SLC6A15: variants seen among roughly 807,000 people sequenced by gnomAD.
SLC6A15 encodes the protein solute carrier family 6 member 15.
Under a neutral mutation model 68.5 loss-of-function variants are expected in SLC6A15, and 33 were observed. The observed-to-expected ratio is 0.48, with a 90% confidence interval of 0.37 to 0.64. SLC6A15 has a LOEUF of 0.64. SLC6A15 is among the 30% of genes least tolerant of loss of function. SLC6A15 has a pLI of 0.00. For missense variants in SLC6A15, 747 were observed against 874.3 expected (o/e 0.85, Z 1.84); for synonymous variants, 347 against 301.0 (o/e 1.15, Z -1.58).
chr12:84,889,173 G>A (rs1256830310), intron 2 of SLC6A15, among the ~76,000 whole-genome samples: 1 of 152,120 alleles, frequency 6.6e-6, no homozygotes, highest in African/African-American at 2.4e-5. Context: ...CTATATGGCT[G>A]CCTATACTTC....
intron 6 of SLC6A15, among the ~76,000 whole-genome samples, chr12:84,875,036 C>A (rs908962738): frequency 6.6e-6 from 1 of 152,106 alleles, no homozygotes; most frequent in Non-Finnish European, 1.5e-5. Flanking sequence ...GTTTTCAGTA[C>A]TGGGGCCATA....
chr12:84,899,717 T>C (rs1160808784), intron 1 of SLC6A15, among the ~76,000 whole-genome samples: 4 of 152,296 alleles, frequency 2.6e-5, no homozygotes, highest in East Asian at 1.9e-4. Flanking sequence ...TGAACATAAA[T>C]ACACAAATAT....
At chr12:84,881,603 A>G in intron 5 of SLC6A15, 1 of 985,360 alleles carries the variant, frequency 1.0e-6, no homozygotes, top group African/African-American at 1.7e-5. Context: ...ATTTTGGGGT[A>G]TATGTATATG....
intron 1 of SLC6A15, among the ~76,000 whole-genome samples, chr12:84,897,361 T>C (rs1048611769): frequency 1.3e-5 from 2 of 152,018 alleles, no homozygotes; most frequent in Non-Finnish European, 2.9e-5. Flanking sequence ...AGAAGAAAGC[T>C]AATGAAAACT....
Position 84,866,998 on chromosome 12 carries a change from G to A in SLC6A15, c.1655+36C>T, listed in dbSNP as rs182237192. ...TGATAATTGATGTTTTCAAACTAGAGATTAAAAGTGAATACATAAAAGCAA... is the reference window on the plus strand; with the variant it reads ...TGATAATTGATGTTTTCAAACTAGAAATTAAAAGTGAATACATAAAAGCAA... On this transcript the variant is annotated intron_variant, in intron 10 of 11. Coordinates refer to ENST00000266682, the MANE Select transcript of SLC6A15 (RefSeq NM_182767.6). 7.6e-6 allele frequency: 11 copies of A among 1,439,362 alleles called. No homozygotes were observed. In the African/African-American group the frequency reaches 1.5e-4, roughly 19 times the overall value. The allele number at this position is 1,439,362 out of a possible 1,614,324, so 89.2% of individuals were successfully genotyped here. A position where few individuals can be genotyped will look rare whatever the true frequency, so the allele number is the denominator to read the frequency against.
intron 1 of SLC6A15, among the ~76,000 whole-genome samples, chr12:84,901,450 A>T (rs902047729): frequency 2.6e-5 from 4 of 151,720 alleles, no homozygotes; most frequent in Admixed American, 2.6e-4. Flanking sequence ...ATCATATCTT[A>T]TCTTTATTAC....
rs1339917269 is a variant in SLC6A15 at position 84,860,208 on chromosome 12, A to C, written c.*1424T>G. The stretch of plus-strand genomic sequence containing the variant: ...ATTGATATGGCATGTGTATTACCTC[A>C]CTTATTTTGCTGCTATATCCATCAT... On this transcript the variant is annotated 3_prime_UTR_variant, in exon 12 of 12. Transcript: ENST00000266682. 4 of 152,054 alleles carry C rather than the reference A, an allele frequency of 2.6e-5. No individual in the cohort carries two copies. Among genetic ancestry groups the C allele is most frequent in the Non-Finnish European group, 4.4e-5 (3 of 67,940 alleles). The allele number at this position is 152,054 out of a possible 1,614,324, so 9.4% of individuals were successfully genotyped here.
chr12:84,889,417 G>C (rs376863253), intron 2 of SLC6A15, among the ~76,000 whole-genome samples: 2 of 151,168 alleles, frequency 1.3e-5, no homozygotes, highest in Admixed American at 1.3e-4. Context: ...ATGAACCCGG[G>C]AGGCGGAGCT....
chr12:84,905,841 G>A (rs143490031), intron 1 of SLC6A15, among the ~76,000 whole-genome samples: 28 of 152,278 alleles, frequency 1.8e-4, no homozygotes, highest in African/African-American at 6.5e-4. Flanking sequence ...GAACAGCCAA[G>A]TTACAAAAGA....
intron 8 of SLC6A15, 36 bp downstream of exon 8, chr12:84,872,566 G>T (rs746676411): frequency 1.3e-5 from 20 of 1,548,478 alleles, no homozygotes; most frequent in Middle Eastern, 2.3e-4. Flanking sequence ...TCAAGTGAAT[G>T]ATAATTATTT....
chr12:84,900,505 A>G (rs1872811757), intron 1 of SLC6A15, among the ~76,000 whole-genome samples: 1 of 151,728 alleles, frequency 6.6e-6, no homozygotes, highest in Non-Finnish European at 1.5e-5. Context: ...TAGAAATGCT[A>G]AAGGCAAACA....
intron 5 of SLC6A15, chr12:84,883,595 T>C: frequency 1.4e-6 from 2 of 1,398,108 alleles, no homozygotes; most frequent in Non-Finnish European, 9.3e-7. Flanking sequence ...GAAAGGACTT[T>C]TAAGTATTCA....
rs60246437 is a variant in SLC6A15 at position 84,882,323 on chromosome 12, T to C, written c.756+1536A>G. 0.01 allele frequency: 9,927 copies of C among 985,176 alleles called. 584 individuals carry two copies. The African/African-American group carries it at 0.14, about 14-fold the overall frequency. The allele number at this position is 985,176 out of a possible 1,614,324, so 61.0% of individuals were successfully genotyped here. ...TGTGGCTCTGACATAGTGGAAGACATACACAATTGAACAATTCGAAGTTAT... is the reference window on the plus strand; with the variant it reads ...TGTGGCTCTGACATAGTGGAAGACACACACAATTGAACAATTCGAAGTTAT... On this transcript the variant is annotated intron_variant, in intron 5 of 11. Coordinates refer to ENST00000266682, the MANE Select transcript of SLC6A15 (RefSeq NM_182767.6).
chr12:84,874,183 TTC>T (rs1395549313), intron 6 of SLC6A15, among the ~76,000 whole-genome samples: 4 of 152,186 alleles, frequency 2.6e-5, no homozygotes, highest in Non-Finnish European at 5.9e-5. Flanking sequence ...AGAACACGAA[TTC>T]TACAGAGAGT....
At chr12:84,869,885 T>G (rs567590321) in intron 9 of SLC6A15, among the ~76,000 whole-genome samples, 3 of 152,146 alleles carry the variant, frequency 2.0e-5, no homozygotes, top group African/African-American at 7.2e-5. Context: ...TATAATTTAT[T>G]TTATATCCTT....
At chr12:84,883,546 G>T in intron 5 of SLC6A15, 1 of 1,315,932 alleles carries the variant, frequency 7.6e-7, no homozygotes, top group African/African-American at 1.5e-5. Context: ...GGTAATTAGA[G>T]AACTGAAACA....
At chr12:84,888,066 C>A (rs1345670317) in intron 2 of SLC6A15, among the ~76,000 whole-genome samples, 4 of 145,988 alleles carry the variant, frequency 2.7e-5, no homozygotes. Flanking sequence ...CCCGTCTCTA[C>A]TAAAAAAATA....
intron 5 of SLC6A15, 55 bp from the exon 6 acceptor site, chr12:84,876,662 A>G: frequency 1.3e-6 from 1 of 760,552 alleles, no homozygotes; most frequent in Non-Finnish European, 2.1e-6. Flanking sequence ...TTTTTTATAG[A>G]TAAGATTTTA....
chr12:84,862,030 T>TA, intron 11 of SLC6A15, 24 bp from the exon 12 acceptor site: 1 of 1,539,204 alleles, frequency 6.5e-7, no homozygotes, highest in Admixed American at 2.2e-5. Context: ...AAATAATAAT[T>TA]ATTAGTAATC....
Sources: allele counts gnomAD v4.1 joint callset (sites outside exome capture counted in the v4.1 genomes callset), GRCh38; gene constraint gnomAD v4.1.1; transcripts MANE v1.5; gene names NCBI Gene and HGNC (gene_info 2026-07-23, HGNC 2026-07-21).